TANGO6: variants seen among roughly 807,000 people sequenced by gnomAD.
TANGO6 encodes transport and golgi organization 6 homolog, also known as transport and Golgi organization protein 6 homolog.
TANGO6 carries 90 observed loss-of-function variants against 114.2 expected under a neutral mutation model. That is an observed-to-expected ratio of 0.79 (90% CI 0.66 to 0.94). The LOEUF (loss-of-function observed/expected upper bound fraction) is 0.94, where lower values mean the gene tolerates loss of function less well. TANGO6 is among the 40% of genes least tolerant of loss of function. The pLI is 0.00. For synonymous variants in TANGO6, 477 were observed against 509.8 expected (o/e 0.94, Z 0.87); for missense variants, 1,274 against 1,315.3 (o/e 0.97, Z 0.49).
chr16:68,863,675 C>CT (rs1412211128), intron 3 of TANGO6, among the ~76,000 whole-genome samples: 6 of 152,250 alleles, frequency 3.9e-5, no homozygotes, highest in Admixed American at 3.3e-4. Context: ...TAGATCTTCT[C>CT]TTTTTTTAAC....
chr16:68,903,525 A>G (rs1055213524), intron 9 of TANGO6, among the ~76,000 whole-genome samples: 4 of 151,378 alleles, frequency 2.6e-5, no homozygotes, highest in Non-Finnish European at 5.9e-5. Flanking sequence ...AGGCTGAGGC[A>G]AAAGAATTGC....
intron 17 of TANGO6, among the ~76,000 whole-genome samples, chr16:69,065,564 C>T (rs1021038264): frequency 2.0e-5 from 3 of 152,112 alleles, no homozygotes; most frequent in African/African-American, 7.2e-5. Flanking sequence ...ATTTAGTAGC[C>T]AGAAAGGGTA....
At chr16:68,849,971 C>CT (rs560571416) in intron 1 of TANGO6, among the ~76,000 whole-genome samples, 6,310 of 114,876 alleles carry the variant, frequency 0.055, 259 homozygotes, top group African/African-American at 0.083. Flanking sequence ...TCTAGCGGTT[C>CT]TTTTTTTTTT....
At chr16:68,869,348 C>T (rs1962230569) in intron 4 of TANGO6, among the ~76,000 whole-genome samples, 2 of 152,216 alleles carry the variant, frequency 1.3e-5, no homozygotes, top group South Asian at 2.1e-4. Flanking sequence ...TGTGGTGGTG[C>T]GCACCTATGG....
At chr16:69,046,389 G>A (rs1044523366) in intron 17 of TANGO6, among the ~76,000 whole-genome samples, 1 of 151,028 alleles carries the variant, frequency 6.6e-6, no homozygotes, top group African/African-American at 2.4e-5. Flanking sequence ...GCACGATCTC[G>A]GCTCACTGCA....
chr16:68,918,101 G>C (rs1567539405), intron 11 of TANGO6, among the ~76,000 whole-genome samples: 1 of 151,904 alleles, frequency 6.6e-6, no homozygotes, highest in African/African-American at 2.4e-5. Context: ...GTAGAGACAG[G>C]GTTCACCATG....
chr16:68,940,367 G>A (rs1963340727), intron 14 of TANGO6, among the ~76,000 whole-genome samples: 1 of 151,882 alleles, frequency 6.6e-6, no homozygotes, highest in African/African-American at 2.4e-5. Context: ...GGATTTTTTA[G>A]GTCAGATTTT....
intron 14 of TANGO6, among the ~76,000 whole-genome samples, chr16:68,966,865 G>A (rs1220473601): frequency 1.3e-5 from 2 of 151,016 alleles, no homozygotes; most frequent in Non-Finnish European, 2.9e-5. Flanking sequence ...TCTGCCCTCT[G>A]GGTTCAAGCA....
At position 68,859,876 on chromosome 16, in the gene TANGO6, T is replaced by A; in HGVS notation, c.95-8T>A. 6.5e-7 allele frequency: 1 copy of A among 1,543,354 alleles called. No individual in the cohort carries two copies. The highest frequency in any genetic ancestry group is 8.7e-7 in the Non-Finnish European group (1 of 1,149,876). On this transcript the variant is annotated splice_polypyrimidine_tract_variant and splice_region_variant and intron_variant, in intron 1 of 17. Transcript: ENST00000261778. ...TGTATAAACTCTCCTTTTTTTCTTC[T>A]TCAAAAGGCTCGGGCTCAAGTTCAC...
intron 16 of TANGO6, among the ~76,000 whole-genome samples, chr16:69,032,983 C>T (rs535152483): frequency 1.8e-4 from 28 of 151,894 alleles, no homozygotes; most frequent in African/African-American, 3.6e-4. Context: ...GTCAGGAGTT[C>T]GAGACCAGCC....
At position 68,875,259 on chromosome 16, in the gene TANGO6, C is replaced by T. The variant is rs535820101; in HGVS notation, c.1100C>T (p.Pro367Leu). ...LASCPQQSLS[P>L]ENYYRDICPQ... ...TCTTGTCCCCAGCAGTCTCTTTCAC[C>T]AGAGAATTACTACAGGGACATCTGC... Residue 367 changes from proline to leucine, a missense_variant, in exon 5 of 18, where the codon CCA becomes CTA. Physicochemically the swap from Pro to Leu is moderately conservative, Grantham distance 98 (BLOSUM62 -3). Coordinates refer to ENST00000261778, the MANE Select transcript of TANGO6 (RefSeq NM_024562.2). The T allele has an allele frequency of 6.2e-7, 1 of 1,613,534 alleles. No homozygotes were observed. Among genetic ancestry groups the T allele is most frequent in the South Asian group, 1.1e-5 (1 of 91,026 alleles).
At chr16:68,996,914 A>G (rs1424367424) in intron 15 of TANGO6, among the ~76,000 whole-genome samples, 3 of 152,226 alleles carry the variant, frequency 2.0e-5, no homozygotes, top group Admixed American at 1.3e-4. Context: ...ATTCAAAGAT[A>G]CACAGAAAAA....
At chr16:69,037,694 G>T (rs945717161) in intron 16 of TANGO6, among the ~76,000 whole-genome samples, 6 of 152,222 alleles carry the variant, frequency 3.9e-5, no homozygotes, top group Non-Finnish European at 8.8e-5. Context: ...TGGCCTTAGG[G>T]TGGGGGGTCC....
intron 17 of TANGO6, 41 bp from the exon 18 acceptor site, chr16:69,083,444 G>A (rs750877270): frequency 1.5e-5 from 23 of 1,577,906 alleles, no homozygotes; most frequent in East Asian, 2.3e-5. Flanking sequence ...GAGAAATGCC[G>A]GCACAGTAGA....
At chr16:68,975,347 A>G (rs1294801321) in intron 15 of TANGO6, among the ~76,000 whole-genome samples, 2 of 151,846 alleles carry the variant, frequency 1.3e-5, no homozygotes, top group Non-Finnish European at 2.9e-5. Flanking sequence ...GATAGGCTCT[A>G]GACTTACACT....
At chr16:68,930,347 C>A in intron 14 of TANGO6, 52 bp downstream of exon 14, 1 of 1,463,524 alleles carries the variant, frequency 6.8e-7, no homozygotes, top group Non-Finnish European at 9.4e-7. Flanking sequence ...GAGACTGTAT[C>A]ATGTTTATTT....
chr16:68,928,638 A>C (rs188616803), intron 13 of TANGO6, among the ~76,000 whole-genome samples: 39 of 152,214 alleles, frequency 2.6e-4, no homozygotes, highest in African/African-American at 9.4e-4. Flanking sequence ...GTGGGCAGTC[A>C]GGAAAAAGAG....
chr16:69,035,286 C>T (rs1215586560), intron 16 of TANGO6: 2 of 152,182 alleles, frequency 1.3e-5, no homozygotes, highest in African/African-American at 4.8e-5. Context: ...AGCCAAGCTC[C>T]TGAGAATGAT....
At chr16:68,931,082 G>C (rs1963233973) in intron 14 of TANGO6, among the ~76,000 whole-genome samples, 1 of 152,038 alleles carries the variant, frequency 6.6e-6, no homozygotes, top group African/African-American at 2.4e-5. Flanking sequence ...CCTTTAACTT[G>C]TGGGCTCCAA....
Sources: allele counts gnomAD v4.1 joint callset (sites outside exome capture counted in the v4.1 genomes callset), GRCh38; gene constraint gnomAD v4.1.1; transcripts MANE v1.5; gene names NCBI Gene and HGNC (gene_info 2026-07-23, HGNC 2026-07-21).